NEDD4L: variants seen among roughly 807,000 people sequenced by gnomAD.
NEDD4L encodes the protein E3 ubiquitin-protein ligase NEDD4-like.
A neutral mutation model predicts 148.9 loss-of-function variants in NEDD4L; 54 were observed. The observed-to-expected ratio is 0.36, with a 90% CI of 0.29 to 0.45. NEDD4L has a LOEUF of 0.45. NEDD4L is among the 20% of genes least tolerant of loss of function. NEDD4L has a pLI of 1.00. For missense variants in NEDD4L, 856 were observed against 1,233.8 expected (o/e 0.69, Z 4.59); for synonymous variants, 433 against 440.7 (o/e 0.98, Z 0.22).
intron 1 of NEDD4L, among the ~76,000 whole-genome samples, chr18:58,136,050 A>G (rs951235543): frequency 6.6e-6 from 1 of 152,252 alleles, no homozygotes; most frequent in Non-Finnish European, 1.5e-5. Context: ...TAAGAAGATT[A>G]TAAATGTAAA....
At chr18:58,388,190 G>A (rs959666596) in intron 27 of NEDD4L, 2 of 152,268 alleles carry the variant, frequency 1.3e-5, no homozygotes, top group South Asian at 4.1e-4. Context: ...AGAAACAGGG[G>A]AAAGACTGTC....
At chr18:58,255,726 A>G in intron 5 of NEDD4L, 4 of 1,232,318 alleles carry the variant, frequency 3.2e-6, no homozygotes, top group Non-Finnish European at 4.0e-6. Flanking sequence ...GAGAGAGAAG[A>G]CGACTTCTTC....
chr18:58,166,343 C>G (rs1206189725), intron 2 of NEDD4L, among the ~76,000 whole-genome samples: 4 of 152,176 alleles, frequency 2.6e-5, no homozygotes. Flanking sequence ...GGGAAGCAGC[C>G]AGATCTTTCT....
chr18:58,345,026 G>A (rs918346715), intron 16 of NEDD4L, among the ~76,000 whole-genome samples: 1 of 152,136 alleles, frequency 6.6e-6, no homozygotes, highest in South Asian at 2.1e-4. Flanking sequence ...AACAGCACTC[G>A]CTTTATTTAT....
intron 18 of NEDD4L, 29 bp downstream of exon 18, chr18:58,351,074 G>A (rs544117738): frequency 1.9e-6 from 3 of 1,568,180 alleles, no homozygotes; most frequent in Non-Finnish European, 2.6e-6. Context: ...GGACACACAG[G>A]TGTTGTGGGT....
intron 2 of NEDD4L, among the ~76,000 whole-genome samples, chr18:58,189,315 G>A (rs575288187): frequency 7.2e-5 from 11 of 152,194 alleles, no homozygotes; most frequent in African/African-American, 2.4e-4. Flanking sequence ...TCTGGGGTAC[G>A]TCTCTTCCAA....
chr18:58,227,191 C>T (rs896093672), intron 2 of NEDD4L, among the ~76,000 whole-genome samples: 18 of 152,306 alleles, frequency 1.2e-4, no homozygotes, highest in African/African-American at 4.3e-4. Context: ...ATGTAGGCTC[C>T]GCAGAGGTAG....
chr18:58,281,137 C>G (rs2053004453), intron 5 of NEDD4L, among the ~76,000 whole-genome samples: 1 of 151,780 alleles, frequency 6.6e-6, no homozygotes, highest in Non-Finnish European at 1.5e-5. Flanking sequence ...ACCACCATAC[C>G]CAGCTAATCT....
intron 22 of NEDD4L, among the ~76,000 whole-genome samples, chr18:58,369,717 G>T (rs983699508): frequency 1.3e-5 from 2 of 152,196 alleles, no homozygotes; most frequent in Non-Finnish European, 2.9e-5. Flanking sequence ...GGAGGTGCGT[G>T]ATGCCTTTGG....
At chr18:58,325,290 C>A in intron 9 of NEDD4L, 128 bp downstream of exon 9, 1 of 1,061,566 alleles carries the variant, frequency 9.4e-7, no homozygotes, top group Non-Finnish European at 1.3e-6. Flanking sequence ...TGGTGTGGTA[C>A]GAGATTCCTC....
chr18:58,182,152 C>T (rs1392418359), intron 2 of NEDD4L, among the ~76,000 whole-genome samples: 8 of 151,896 alleles, frequency 5.3e-5, no homozygotes, highest in African/African-American at 1.9e-4. Flanking sequence ...AGTCTTGGTG[C>T]AAGAAACCTG....
intron 2 of NEDD4L, among the ~76,000 whole-genome samples, chr18:58,175,694 G>C (rs1417649191): frequency 6.6e-6 from 1 of 152,234 alleles, no homozygotes; most frequent in Non-Finnish European, 1.5e-5. Flanking sequence ...CTCTTAGGCT[G>C]TTTGTTCTAG....
chr18:58,337,859 A>C (rs184366573), intron 13 of NEDD4L, among the ~76,000 whole-genome samples: 1 of 152,330 alleles, frequency 6.6e-6, no homozygotes, highest in East Asian at 1.9e-4. Flanking sequence ...CCAAGAAACC[A>C]CAGCCCTTTG....
chr18:58,377,502 TC>T (rs1278807665), intron 24 of NEDD4L, among the ~76,000 whole-genome samples: 2 of 152,184 alleles, frequency 1.3e-5, no homozygotes, highest in African/African-American at 4.8e-5. Context: ...TTGTTTTCTT[TC>T]TGATTGGTAA....
In NEDD4L at chr18:58,336,594, T is replaced by G. The variant is rs536907769; in HGVS notation, c.1125+1057T>G. Among the ~76,000 whole-genome samples the G allele has an allele frequency of 5.9e-5, 9 of 152,234 alleles. No homozygotes were observed. The South Asian group carries it at 1.9e-3, about 32-fold the overall frequency. Reference sequence around the variant, plus strand: ...TCCATCTCAAAAAAAAAAAAAGAATTTCCTTATTGTTTCACCTGTGTTGTA... The same window carrying G: ...TCCATCTCAAAAAAAAAAAAAGAATGTCCTTATTGTTTCACCTGTGTTGTA... On this transcript the variant is annotated intron_variant, in intron 13 of 30. Transcript: ENST00000400345.
intron 1 of NEDD4L, chr18:58,149,324 A>C: frequency 7.6e-7 from 1 of 1,307,970 alleles, no homozygotes; most frequent in South Asian, 1.9e-5. Flanking sequence ...TGAGCCAGTC[A>C]CAGAGGAAGC....
rs186111656 is a variant in NEDD4L at position 58,253,441 on chromosome 18, G to T, written c.297+1387G>T. Among the ~76,000 whole-genome samples, 4 of 152,274 alleles carry T rather than the reference G, an allele frequency of 2.6e-5. No homozygotes were observed. In the South Asian group the frequency reaches 8.3e-4, roughly 32 times the overall value. On this transcript the variant is annotated intron_variant, in intron 5 of 30. Coordinates refer to ENST00000400345, the MANE Select transcript of NEDD4L (RefSeq NM_001144967.3). Reference sequence around the variant, plus strand: ...ATGGGATGTTGGGTGATGAACAGTCGTACAGTGTAACTAAACCACTTTTGT... The same window carrying T: ...ATGGGATGTTGGGTGATGAACAGTCTTACAGTGTAACTAAACCACTTTTGT...
intron 1 of NEDD4L, among the ~76,000 whole-genome samples, chr18:58,065,816 T>C (rs2082562661): frequency 6.6e-6 from 1 of 152,212 alleles, no homozygotes; most frequent in African/African-American, 2.4e-5. Flanking sequence ...GTTAAGTTTA[T>C]TCCCTGGGAA....
chr18:58,368,780 A>G (rs941269294), intron 22 of NEDD4L, among the ~76,000 whole-genome samples: 11 of 151,602 alleles, frequency 7.3e-5, no homozygotes, highest in African/African-American at 2.7e-4. Flanking sequence ...GGCGACAGTA[A>G]ACACTTTTTT....
Sources: allele counts gnomAD v4.1 joint callset (sites outside exome capture counted in the v4.1 genomes callset), GRCh38; gene constraint gnomAD v4.1.1; transcripts MANE v1.5; gene names NCBI Gene and HGNC (gene_info 2026-07-23, HGNC 2026-07-21).